Variants in CTIF observed in about 807,000 individuals in gnomAD.
CTIF encodes CBP80/20-dependent translation initiation factor.
CTIF carries 21 observed loss-of-function variants against 66.0 expected under a neutral mutation model. That is an observed-to-expected ratio of 0.32 (90% CI 0.23 to 0.46). CTIF has a LOEUF of 0.46. CTIF is among the 20% of genes least tolerant of loss of function. The pLI, the probability that CTIF is intolerant of heterozygous loss-of-function variation, is 1.00. For missense variants in CTIF, 739 were observed against 812.7 expected, an observed-to-expected ratio of 0.91 and a Z score of 1.10; for synonymous variants, 345 against 326.4, an observed-to-expected ratio of 1.06 and a Z score of -0.62.
chr18:48,853,450 C>T (rs141064834), intron 10 of CTIF, among the ~76,000 whole-genome samples: 1 of 152,270 alleles, frequency 6.6e-6, no homozygotes, highest in Non-Finnish European at 1.5e-5. Flanking sequence ...ATGCGAGACC[C>T]CGAGGGTCCT....
chr18:48,851,738 C>G (rs2069205807), intron 10 of CTIF, among the ~76,000 whole-genome samples: 1 of 152,130 alleles, frequency 6.6e-6, no homozygotes, highest in Non-Finnish European at 1.5e-5. Flanking sequence ...CCCCAGCTGC[C>G]CTCCCTTCCT....
At chr18:48,834,617 AC>A (rs1399770883) in intron 10 of CTIF, 3 of 152,614 alleles carry the variant, frequency 2.0e-5, no homozygotes, top group Admixed American at 2.0e-4. Context: ...GGGATCCCAC[AC>A]TGAATATGCC....
intron 6 of CTIF, among the ~76,000 whole-genome samples, chr18:48,687,510 C>T (rs2091861520): frequency 6.6e-6 from 1 of 152,056 alleles, no homozygotes; most frequent in Non-Finnish European, 1.5e-5. Flanking sequence ...AAGGATAAGG[C>T]TCTATTGTCC....
chr18:48,616,616 G>A (rs747981535), intron 1 of CTIF, among the ~76,000 whole-genome samples: 12 of 152,188 alleles, frequency 7.9e-5, no homozygotes, highest in African/African-American at 1.2e-4. Context: ...TAATTATGCC[G>A]ATTCCATAGG....
intron 10 of CTIF, among the ~76,000 whole-genome samples, chr18:48,850,095 A>G (rs2069168502): frequency 6.6e-6 from 1 of 152,100 alleles, no homozygotes; most frequent in Non-Finnish European, 1.5e-5. Flanking sequence ...TAGGGACCTC[A>G]TAGAAGTGGA....
rs184831481 is a variant in CTIF at position 48,638,623 on chromosome 18, G to A, written c.252+1938G>A. The stretch of plus-strand genomic sequence containing the variant: ...GCAGGGCTGGGGGCTTGTGGAGTGG[G>A]GTTAGGTATGGGCTTGTCCCTGCTC... On this transcript the variant is annotated intron_variant, in intron 3 of 11. Transcript: ENST00000256413. 1.5e-3 allele frequency among the ~76,000 whole-genome samples: 222 copies of A among 152,338 alleles called. 1 individual carries two copies. Among genetic ancestry groups the A allele is most frequent in the Non-Finnish European group, 2.5e-3 (171 of 68,036 alleles).
chr18:48,546,575 G>T (rs2088755548), intron 1 of CTIF, among the ~76,000 whole-genome samples: 1 of 152,192 alleles, frequency 6.6e-6, no homozygotes, highest in Non-Finnish European at 1.5e-5. Flanking sequence ...AATCCCCAGG[G>T]ATCTCAGGCA....
At chr18:48,720,957 G>T (rs977721888) in intron 7 of CTIF, among the ~76,000 whole-genome samples, 1 of 152,304 alleles carries the variant, frequency 6.6e-6, no homozygotes, top group South Asian at 2.1e-4. Context: ...GGCTCTGGGG[G>T]TTCTCTCCCA....
intron 1 of CTIF, among the ~76,000 whole-genome samples, chr18:48,577,596 A>T (rs59821958): frequency 2.7e-3 from 399 of 146,624 alleles, no homozygotes; most frequent in African/African-American, 0.01. Context: ...TTTGTTTGAG[A>T]TAGTCTCGCT....
intron 7 of CTIF, among the ~76,000 whole-genome samples, chr18:48,743,410 A>T (rs1162733836): frequency 6.6e-6 from 1 of 152,262 alleles, no homozygotes; most frequent in Non-Finnish European, 1.5e-5. Context: ...AGAAAAACAT[A>T]AAATTCAAGA....
intron 1 of CTIF, among the ~76,000 whole-genome samples, chr18:48,594,354 C>T (rs1487188806): frequency 1.4e-4 from 21 of 147,438 alleles, no homozygotes; most frequent in Admixed American, 6.7e-5. Context: ...AACTGGGCCT[C>T]GAAAATTATA....
chr18:48,626,840 A>G (rs1332505562), intron 2 of CTIF, among the ~76,000 whole-genome samples: 1 of 151,594 alleles, frequency 6.6e-6, no homozygotes, highest in Non-Finnish European at 1.5e-5. Context: ...TATTTTTAGT[A>G]AAGACAGGGT....
Position 48,670,671 on chromosome 18 carries a change from G to A in CTIF, c.434G>A (p.Cys145Tyr), listed in dbSNP as rs2091518097. Reference protein sequence around the residue: ...QPLPHIDREGCGKGKLEDGDG... With the variant: ...QPLPHIDREGYGKGKLEDGDG... ...CCTTTCTGTCTTTTCTGGTCCAGGT[G>A]TGGCAAAGGGAAGCTGGAAGATGGG... Residue 145 changes from cysteine (C) to tyrosine (Y), a missense_variant and splice_region_variant, in exon 6 of 12, where the codon TGT (cysteine) becomes TAT (tyrosine). By Grantham distance (194) the Cys-to-Tyr change is radical. Coordinates refer to ENST00000256413, the MANE Select transcript of CTIF (RefSeq NM_014772.3). The A allele has an allele frequency of 5.0e-6, 8 of 1,613,974 alleles. No homozygotes were observed. The highest frequency in any genetic ancestry group is 6.8e-6 in the Non-Finnish European group (8 of 1,179,840).
In CTIF at chr18:48,550,468, G is replaced by C. The variant is rs1041025022; in HGVS notation, c.-29+11156G>C. Reference sequence around the variant, plus strand: ...GAATGCAGGGTGTGGGAAGATGGTGGTGGATGCCACCTTCCCCTCCCCAAA... The same window carrying C: ...GAATGCAGGGTGTGGGAAGATGGTGCTGGATGCCACCTTCCCCTCCCCAAA... On this transcript the variant is annotated intron_variant, in intron 1 of 11. Transcript: ENST00000256413. Among the ~76,000 whole-genome samples, 4 of 152,208 alleles carry C rather than the reference G, an allele frequency of 2.6e-5. No individual in the cohort carries two copies. The East Asian group carries it at 7.7e-4, about 29-fold the overall frequency.
Position 48,862,926 on chromosome 18 carries a change from C to T in CTIF, c.*3367C>T, listed in dbSNP as rs2069509635. 2 of 152,310 alleles carry T rather than the reference C, an allele frequency of 1.3e-5. No homozygotes were observed. The highest frequency in any genetic ancestry group is 4.1e-4 in the South Asian group (2 of 4,836). The allele number at this position is 152,310 out of a possible 1,614,324, so 9.4% of individuals were successfully genotyped here. A position where few individuals can be genotyped will look rare whatever the true frequency, so the allele number is the denominator to read the frequency against. On this transcript the variant is annotated 3_prime_UTR_variant, in exon 12 of 12. Transcript: ENST00000256413. The stretch of plus-strand genomic sequence containing the variant: ...GGAGTCGTGTCCCTCAGCTGCAGGG[C>T]ACTGTGTTGGGAAACCATTGGCTGG...
intron 10 of CTIF, among the ~76,000 whole-genome samples, chr18:48,831,837 G>C (rs2068699026): frequency 1.3e-5 from 2 of 152,114 alleles, no homozygotes; most frequent in South Asian, 4.1e-4. Context: ...CTTTTGGTAC[G>C]AAGTCTTTGA....
chr18:48,556,018 C>G (rs993686698), intron 1 of CTIF, among the ~76,000 whole-genome samples: 3 of 152,162 alleles, frequency 2.0e-5, no homozygotes, highest in African/African-American at 4.8e-5. Flanking sequence ...CTCCCCAAGT[C>G]TGGGCCATTT....
chr18:48,606,101 T>C (rs2090195236), intron 1 of CTIF, among the ~76,000 whole-genome samples: 1 of 152,218 alleles, frequency 6.6e-6, no homozygotes, highest in African/African-American at 2.4e-5. Context: ...GTAGTGGATA[T>C]GGCTTGCAAA....
At chr18:48,582,377 C>T (rs890267030) in intron 1 of CTIF, among the ~76,000 whole-genome samples, 2 of 152,054 alleles carry the variant, frequency 1.3e-5, no homozygotes, top group Admixed American at 1.3e-4. Context: ...ATAAAAGGTC[C>T]CTCAGGGCCT....
Sources: gnomAD v4.1 joint callset for allele counts (sites outside exome capture counted in the v4.1 genomes callset) on GRCh38, gnomAD v4.1.1 for gene constraint, MANE v1.5 for transcripts, NCBI Gene and HGNC (gene_info 2026-07-23, HGNC 2026-07-21) for gene names.